Variants in CADPS2 observed in about 807,000 individuals in gnomAD.
The protein encoded by CADPS2 is calcium-dependent secretion activator 2.
CADPS2 carries 93 observed loss-of-function variants against 172.5 expected under a neutral mutation model. That is an observed-to-expected ratio of 0.54 (90% CI 0.46 to 0.64). The LOEUF is 0.64. Ranked by LOEUF, CADPS2 falls within the 30% of genes least tolerant of loss-of-function variation. CADPS2 has a pLI of 0.00. For missense variants in CADPS2, 1,420 were observed against 1,565.9 expected (o/e 0.91, Z 1.57); for synonymous variants, 546 against 555.2 (o/e 0.98, Z 0.23).
chr7:122,471,708 G>A, intron 13 of CADPS2, 146 bp from the exon 14 acceptor site: 2 of 675,430 alleles, frequency 3.0e-6, no homozygotes, highest in East Asian at 3.0e-5. Context: ...TTCATGAAGA[G>A]CTAATGTCAT....
chr7:122,589,772 A>G (rs2070446536), intron 6 of CADPS2, among the ~76,000 whole-genome samples: 1 of 151,872 alleles, frequency 6.6e-6, no homozygotes, highest in South Asian at 2.1e-4. Flanking sequence ...TATGAAAATG[A>G]ATGAGCTTAT....
At position 122,668,592 on chromosome 7, in the gene CADPS2, A is replaced by G. The variant is rs574798290; in HGVS notation, c.454-5023T>C. ...CGGTTTCAGAATAAGAGAGACAGAG[A>G]CAGTCTCAGTCAAGATAAGAGAGAT... On this transcript the variant is annotated intron_variant, in intron 2 of 29. Coordinates refer to ENST00000449022, the MANE Select transcript of CADPS2 (RefSeq NM_017954.11). 1.4e-4 allele frequency among the ~76,000 whole-genome samples: 22 copies of G among 152,300 alleles called. 1 individual carries two copies. The South Asian group carries it at 3.9e-3, about 27-fold the overall frequency.
At chr7:122,516,089 G>T (rs959791837) in intron 8 of CADPS2, among the ~76,000 whole-genome samples, 1 of 152,094 alleles carries the variant, frequency 6.6e-6, no homozygotes. Flanking sequence ...GTTAGTAGAA[G>T]ATGTTATAAG....
intron 2 of CADPS2, chr7:122,697,964 C>G: frequency 6.2e-7 from 1 of 1,613,576 alleles, no homozygotes; most frequent in Non-Finnish European, 8.5e-7. Flanking sequence ...GACATTAGAA[C>G]TTGCAAAGGT....
chr7:122,740,697 T>C (rs1244638409), intron 1 of CADPS2, among the ~76,000 whole-genome samples: 1 of 152,094 alleles, frequency 6.6e-6, no homozygotes, highest in Non-Finnish European at 1.5e-5. Flanking sequence ...AAATAAATTT[T>C]ACATGGCAAA....
intron 8 of CADPS2, among the ~76,000 whole-genome samples, chr7:122,540,062 A>G (rs1255580787): frequency 6.6e-6 from 1 of 151,986 alleles, no homozygotes; most frequent in Non-Finnish European, 1.5e-5. Flanking sequence ...TGTCATTTTC[A>G]GTTAATTTAT....
chr7:122,837,956 G>A (rs935022899), intron 1 of CADPS2, among the ~76,000 whole-genome samples: 4 of 152,074 alleles, frequency 2.6e-5, no homozygotes, highest in African/African-American at 7.3e-5. Context: ...TGATACCAAA[G>A]CCTGGCAGAG....
intron 8 of CADPS2, among the ~76,000 whole-genome samples, chr7:122,530,432 T>G (rs2061659745): frequency 6.6e-6 from 1 of 152,014 alleles, no homozygotes; most frequent in East Asian, 1.9e-4. Context: ...GGAAATATTC[T>G]ATGCCATAGT....
At chr7:122,558,417 G>A (rs563623439) in intron 7 of CADPS2, among the ~76,000 whole-genome samples, 17 of 151,972 alleles carry the variant, frequency 1.1e-4, no homozygotes, top group East Asian at 1.9e-4. Context: ...TTTACCATTC[G>A]TTTCTCTTAA....
chr7:122,407,419 C>A, intron 20 of CADPS2, 121 bp downstream of exon 20: 10 of 1,099,836 alleles, frequency 9.1e-6, no homozygotes, highest in Non-Finnish European at 1.3e-5. Context: ...CTGAGCAAAC[C>A]TAAATGTTAC....
At chr7:122,600,634 G>A (rs2133460261) in intron 6 of CADPS2, among the ~76,000 whole-genome samples, 1 of 152,164 alleles carries the variant, frequency 6.6e-6, no homozygotes, top group African/African-American at 2.4e-5. Context: ...TATTAGTAGG[G>A]TATATGCTTA....
intron 3 of CADPS2, among the ~76,000 whole-genome samples, chr7:122,641,439 T>C (rs1015370011): frequency 2.6e-5 from 4 of 152,212 alleles, no homozygotes; most frequent in Non-Finnish European, 5.9e-5. Context: ...GTAAAACTTT[T>C]GAAGTTGTGA....
chr7:122,755,730 A>T (rs988493420), intron 1 of CADPS2, among the ~76,000 whole-genome samples: 1 of 140,582 alleles, frequency 7.1e-6, no homozygotes, highest in East Asian at 2.0e-4. Flanking sequence ...TAGAGAGGCT[A>T]AAAAAAAAAA....
chr7:122,696,296 G>C (rs1023826904), intron 2 of CADPS2, among the ~76,000 whole-genome samples: 1 of 152,116 alleles, frequency 6.6e-6, no homozygotes, highest in Admixed American at 6.6e-5. Flanking sequence ...ATAACACTTA[G>C]TGTTCCTGCT....
intron 9 of CADPS2, among the ~76,000 whole-genome samples, chr7:122,506,859 G>T (rs1466841682): frequency 6.6e-6 from 1 of 152,050 alleles, no homozygotes; most frequent in African/African-American, 2.4e-5. Flanking sequence ...GGTGTAAAAA[G>T]AGTTAGTATT....
intron 23 of CADPS2, 56 bp from the exon 24 acceptor site, chr7:122,387,229 TTTGTAAA>T: frequency 2.6e-6 from 4 of 1,517,574 alleles, no homozygotes; most frequent in Non-Finnish European, 3.6e-6. Flanking sequence ...GCTCACCTGT[TTTGTAAA>T]AAGTGAAATC....
chr7:122,377,408 C>G (rs1221459199), intron 25 of CADPS2, among the ~76,000 whole-genome samples: 1 of 152,150 alleles, frequency 6.6e-6, no homozygotes, highest in African/African-American at 2.4e-5. Context: ...CCTTCCCACT[C>G]CCAAAGCAAA....
At chr7:122,669,308 G>A (rs1266875233) in intron 2 of CADPS2, among the ~76,000 whole-genome samples, 4 of 151,428 alleles carry the variant, frequency 2.6e-5, no homozygotes, top group Admixed American at 1.3e-4. Context: ...TCCAAACTGA[G>A]TGACAGAGTG....
intron 25 of CADPS2, among the ~76,000 whole-genome samples, chr7:122,367,841 T>C (rs2041178617): frequency 1.3e-5 from 2 of 151,658 alleles, no homozygotes; most frequent in Non-Finnish European, 2.9e-5. Flanking sequence ...TTGAGTTCCT[T>C]TCTGGAGGCT....
Sources: gnomAD v4.1 joint callset for allele counts (sites outside exome capture counted in the v4.1 genomes callset) on GRCh38, gnomAD v4.1.1 for gene constraint, MANE v1.5 for transcripts, NCBI Gene and HGNC (gene_info 2026-07-23, HGNC 2026-07-21) for gene names.